Variants in AGO2 observed in about 807,000 individuals in gnomAD.
AGO2 encodes argonaute RISC catalytic component 2.
Under a neutral mutation model 102.3 loss-of-function variants are expected in AGO2, and 5 were observed. The ratio of observed to expected loss-of-function variants is 0.05; its 90% CI spans 0.03 to 0.10. AGO2 has a LOEUF of 0.10. Ranked by LOEUF, AGO2 falls within the 10% of genes least tolerant of loss-of-function variation. AGO2 has a pLI of 1.00. For missense variants in AGO2, 541 were observed against 1,183.7 expected (o/e 0.46, Z 7.97); for synonymous variants, 449 against 473.1 (o/e 0.95, Z 0.66).
chr8:140,608,925 GC>G (rs2074040144), intron 1 of AGO2, among the ~76,000 whole-genome samples: 1 of 152,196 alleles, frequency 6.6e-6, no homozygotes, highest in African/African-American at 2.4e-5. Flanking sequence ...GTGAGGTCCT[GC>G]TCCTCCCACA....
At position 140,558,576 on chromosome 8, in the gene AGO2, G is replaced by C. The variant is rs373848215; in HGVS notation, c.791-4C>G. 6.2e-7 allele frequency: 1 copy of C among 1,613,856 alleles called. No individual in the cohort carries two copies. Among genetic ancestry groups the C allele is most frequent in the African/African-American group, 1.3e-5 (1 of 74,948 alleles). ...TGCGTTATCTCCACCTTTAGACCTG[G>C]GGACACAGAACACAGGCATCGGCAT... On this transcript the variant is annotated splice_polypyrimidine_tract_variant and splice_region_variant and intron_variant, in intron 6 of 18. Coordinates refer to ENST00000220592, the MANE Select transcript of AGO2 (RefSeq NM_012154.5).
intron 6 of AGO2, 88 bp from the exon 7 acceptor site, chr8:140,558,660 G>A (rs990891051): frequency 2.8e-6 from 4 of 1,432,546 alleles, no homozygotes; most frequent in Non-Finnish European, 3.9e-6. Context: ...TCATAGGAAT[G>A]TGGCTGGGGA....
At chr8:140,553,457 T>G (rs1295986256) in intron 10 of AGO2, among the ~76,000 whole-genome samples, 1 of 146,084 alleles carries the variant, frequency 6.8e-6, no homozygotes, top group African/African-American at 2.6e-5. Flanking sequence ...TTGCCCAGGC[T>G]GGAGTGCAAT....
chr8:140,632,361 G>C (rs910770552), intron 1 of AGO2, among the ~76,000 whole-genome samples: 13 of 152,262 alleles, frequency 8.5e-5, no homozygotes, highest in Non-Finnish European at 1.5e-5. Flanking sequence ...ATGGGCACCA[G>C]TATTGGGAGA....
At chr8:140,608,351 C>A (rs945184813) in intron 1 of AGO2, among the ~76,000 whole-genome samples, 2 of 152,258 alleles carry the variant, frequency 1.3e-5, no homozygotes, top group African/African-American at 4.8e-5. Flanking sequence ...TCCCTGGTCT[C>A]CTTCTCTGTG....
At chr8:140,637,905 A>G (rs1187331338), upstream of AGO2, 3 of 152,132 alleles carry the variant, frequency 2.0e-5, no homozygotes, top group Admixed American at 6.6e-5. Flanking sequence ...TTGCTGTGAC[A>G]TGTCTCCAGC....
intron 1 of AGO2, 22 bp from the exon 2 acceptor site, chr8:140,585,333 C>T (rs760422595): frequency 3.7e-6 from 6 of 1,609,500 alleles, no homozygotes; most frequent in African/African-American, 2.7e-5. Context: ...GAGAGAACAC[C>T]CATTAACGGG....
chr8:140,568,295 A>T (rs1057506780), intron 3 of AGO2, among the ~76,000 whole-genome samples: 5 of 150,852 alleles, frequency 3.3e-5, no homozygotes, highest in Non-Finnish European at 7.4e-5. Flanking sequence ...GGGAAAAAAA[A>T]AAAAAGAGAG....
chr8:140,573,588 T>C (rs568614799), intron 2 of AGO2, among the ~76,000 whole-genome samples: 18 of 152,344 alleles, frequency 1.2e-4, no homozygotes, highest in East Asian at 3.9e-4. Context: ...TTTGTGCTTG[T>C]GCATTTTAGT....
At chr8:140,549,893 C>A (rs2072967040) in intron 11 of AGO2, among the ~76,000 whole-genome samples, 1 of 152,206 alleles carries the variant, frequency 6.6e-6, no homozygotes, top group Non-Finnish European at 1.5e-5. Context: ...AGGGCAGCGG[C>A]TTCTATTTTA....
chr8:140,600,706 G>A (rs951732932), intron 1 of AGO2, among the ~76,000 whole-genome samples: 6 of 150,450 alleles, frequency 4.0e-5, no homozygotes, highest in Non-Finnish European at 5.9e-5. Flanking sequence ...TCCAAAACAC[G>A]CTCTCTGTTT....
chr8:140,590,235 C>T (rs771768604), intron 1 of AGO2, among the ~76,000 whole-genome samples: 2 of 152,192 alleles, frequency 1.3e-5, no homozygotes, highest in African/African-American at 2.4e-5. Context: ...CCCCTCCCCC[C>T]GGTCTGACTC....
At chr8:140,596,935 G>A (rs761539564) in intron 1 of AGO2, among the ~76,000 whole-genome samples, 7 of 152,198 alleles carry the variant, frequency 4.6e-5, no homozygotes, top group African/African-American at 7.2e-5. Context: ...AGCCCAGGGG[G>A]ACCTGCCTGA....
intron 1 of AGO2, among the ~76,000 whole-genome samples, chr8:140,623,909 C>A (rs1003203102): frequency 2.6e-5 from 4 of 152,118 alleles, no homozygotes; most frequent in African/African-American, 9.7e-5. Flanking sequence ...AGGCAGTAAG[C>A]CTTTAGTGAG....
chr8:140,595,874 T>TG, intron 1 of AGO2, among the ~76,000 whole-genome samples: 1 of 115,890 alleles, frequency 8.6e-6, no homozygotes, highest in African/African-American at 3.7e-5. Flanking sequence ...CAATTGTATA[T>TG]TATATAATAT....
chr8:140,535,693 A>G (rs2072684396), intron 16 of AGO2, 124 bp from the exon 17 acceptor site: 1 of 795,232 alleles, frequency 1.3e-6, no homozygotes, highest in Non-Finnish European at 2.2e-6. Flanking sequence ...ATTGGCTAAT[A>G]CAGGTCCTCG....
chr8:140,566,538 C>T (rs1204890676), intron 3 of AGO2, among the ~76,000 whole-genome samples: 7 of 151,816 alleles, frequency 4.6e-5, no homozygotes, highest in African/African-American at 1.2e-4. Context: ...TGAAAATGCA[C>T]ATTTGGCATA....
In AGO2 at chr8:140,528,155, T is replaced by C. The variant is rs951332000; in HGVS notation, c.*3889A>G. The C allele has an allele frequency of 6.6e-6, 1 of 152,172 alleles. No homozygotes were observed. The highest frequency in any genetic ancestry group is 2.4e-5 in the African/African-American group (1 of 41,436). 9.4% of individuals were successfully genotyped at this position (152,172 alleles called of 1,614,324 possible). On this transcript the variant is annotated 3_prime_UTR_variant, in exon 19 of 19. Coordinates refer to ENST00000220592, the MANE Select transcript of AGO2 (RefSeq NM_012154.5). This position sits in a 1 kb window ranked among gnomAD's most constrained non-coding sequence, Gnocchi z 4.5. Reference sequence around the variant, plus strand: ...CTGCATATATAAGAAAAACAATTCATCCAGAAAAATCACATTTGTGGCTTT... The same window carrying C: ...CTGCATATATAAGAAAAACAATTCACCCAGAAAAATCACATTTGTGGCTTT...
intron 17 of AGO2, among the ~76,000 whole-genome samples, chr8:140,534,113 G>A (rs773196268): frequency 3.3e-5 from 5 of 152,208 alleles, no homozygotes; most frequent in Non-Finnish European, 1.5e-5. Context: ...GTTCGTCCCT[G>A]ATGCTCCACC....
Sources: gnomAD v4.1 joint callset for allele counts (sites outside exome capture counted in the v4.1 genomes callset) on GRCh38, gnomAD v4.1.1 for gene constraint, Gnocchi (gnomAD v3.1) non-coding constraint, MANE v1.5 for transcripts, NCBI Gene and HGNC (gene_info 2026-07-23, HGNC 2026-07-21) for gene names.